CCSER1: variants seen among roughly 807,000 people sequenced by gnomAD.
CCSER1 encodes coiled-coil serine rich protein 1.
CCSER1 carries 41 observed loss-of-function variants against 82.0 expected under a neutral mutation model. That is an observed-to-expected ratio of 0.50 (90% CI 0.39 to 0.65). The LOEUF (loss-of-function observed/expected upper bound fraction) is 0.65. Among genes scored for constraint, CCSER1 ranks in the 30% least tolerant of loss-of-function variants. CCSER1 has a pLI of 0.00. For synonymous variants in CCSER1, 414 were observed against 383.9 expected, an observed-to-expected ratio of 1.08 and a Z score of -0.92; for missense variants, 1,119 against 1,064.2, an observed-to-expected ratio of 1.05 and a Z score of -0.72.
At chr4:91,060,157 T>G (rs573880502) in intron 9 of CCSER1, among the ~76,000 whole-genome samples, 2 of 152,188 alleles carry the variant, frequency 1.3e-5, no homozygotes, top group Non-Finnish European at 2.9e-5. Flanking sequence ...AAATTCCTCA[T>G]GAACTATTGA....
At chr4:91,417,387 C>T (rs150597777) in intron 10 of CCSER1, among the ~76,000 whole-genome samples, 1,982 of 152,168 alleles carry the variant, frequency 0.013, 34 homozygotes, top group African/African-American at 0.035. Flanking sequence ...AAGATACATG[C>T]ATGCATATGT....
At chr4:90,906,876 G>A (rs991986578) in intron 8 of CCSER1, among the ~76,000 whole-genome samples, 7 of 151,946 alleles carry the variant, frequency 4.6e-5, no homozygotes, top group African/African-American at 7.2e-5. Context: ...CTAAATCTTC[G>A]CAATGCCTAT....
chr4:90,802,944 T>G (rs1358414417), intron 7 of CCSER1, among the ~76,000 whole-genome samples: 3 of 152,104 alleles, frequency 2.0e-5, no homozygotes, highest in Non-Finnish European at 4.4e-5. Context: ...TTGTTTGCCC[T>G]GATAAAGTTG....
Position 90,538,748 on chromosome 4 carries a change from T to C in CCSER1, c.1724+70394T>C, listed in dbSNP as rs190434665. ...TGAAATATTTGAAATATTTACCTTA[T>C]GAAATCTCTAGATTGTCTCCACGAG... On this transcript the variant is annotated intron_variant, in intron 5 of 10. Transcript: ENST00000509176. Among the ~76,000 whole-genome samples the C allele has an allele frequency of 6.4e-4, 97 of 152,220 alleles. 2 individuals carry two copies. The East Asian group carries it at 0.015, about 24-fold the overall frequency.
intron 10 of CCSER1, among the ~76,000 whole-genome samples, chr4:91,454,284 G>A (rs1246974674): frequency 6.6e-6 from 1 of 152,058 alleles, no homozygotes; most frequent in Non-Finnish European, 1.5e-5. Flanking sequence ...TCTGAGGAGA[G>A]AATCAGTTCC....
At chr4:90,718,405 G>A (rs1742041568) in intron 6 of CCSER1, among the ~76,000 whole-genome samples, 1 of 151,886 alleles carries the variant, frequency 6.6e-6, no homozygotes, top group South Asian at 2.1e-4. Flanking sequence ...TGCTTTCAGG[G>A]GAGGCATAAT....
chr4:90,251,291 A>G (rs1296539427), intron 1 of CCSER1, among the ~76,000 whole-genome samples: 1 of 151,918 alleles, frequency 6.6e-6, no homozygotes, highest in Non-Finnish European at 1.5e-5. Context: ...ATGATATTGA[A>G]CAGTCTTATT....
At chr4:90,382,831 A>G (rs1273104499) in intron 3 of CCSER1, among the ~76,000 whole-genome samples, 1 of 152,038 alleles carries the variant, frequency 6.6e-6, no homozygotes, top group Admixed American at 6.6e-5. Context: ...GTCATTAACT[A>G]AAAAATGTTA....
At chr4:91,569,690 C>T (rs1441332704) in intron 10 of CCSER1, among the ~76,000 whole-genome samples, 1 of 152,052 alleles carries the variant, frequency 6.6e-6, no homozygotes, top group Non-Finnish European at 1.5e-5. Flanking sequence ...CCATATCATT[C>T]AATTATCTCC....
At chr4:90,710,956 C>T (rs1172796646) in intron 6 of CCSER1, among the ~76,000 whole-genome samples, 1 of 152,100 alleles carries the variant, frequency 6.6e-6, no homozygotes, top group African/African-American at 2.4e-5. Context: ...TTCTTCTTAT[C>T]CGTGAGCATG....
intron 10 of CCSER1, among the ~76,000 whole-genome samples, chr4:91,359,033 C>G (rs540379075): frequency 6.6e-6 from 1 of 152,136 alleles, no homozygotes; most frequent in Non-Finnish European, 1.5e-5. Context: ...CTGGGAGCAT[C>G]GGCAAGCTAC....
chr4:90,781,496 ATCT>A, intron 7 of CCSER1: 1 of 985,174 alleles, frequency 1.0e-6, no homozygotes, highest in Admixed American at 6.1e-5. Flanking sequence ...TGAGTGTGTA[ATCT>A]TCTCTTATTT....
intron 4 of CCSER1, among the ~76,000 whole-genome samples, chr4:90,410,419 A>T (rs1418600466): frequency 6.6e-6 from 1 of 152,236 alleles, no homozygotes. Context: ...AACAGAAAGT[A>T]TAACAAACTG....
chr4:91,054,504 T>C lies in CCSER1; in HGVS notation c.2173-31446T>C, dbSNP rs185828331. Among the ~76,000 whole-genome samples the C allele has an allele frequency of 3.0e-4, 45 of 152,282 alleles. 1 individual carries two copies. In the East Asian group the frequency reaches 8.5e-3, roughly 29 times the overall value. On this transcript the variant is annotated intron_variant, in intron 9 of 10. Coordinates refer to ENST00000509176, the MANE Select transcript of CCSER1 (RefSeq NM_001145065.2). ...AATCTTTTTTTGATTTAAAGTCTGT[T>C]TGTTCAGCTATTAATATAGTCACCC... is the stretch of plus-strand genomic sequence containing the variant.
intron 10 of CCSER1, among the ~76,000 whole-genome samples, chr4:91,548,661 T>A (rs1762008318): frequency 6.6e-6 from 1 of 152,116 alleles, no homozygotes; most frequent in Non-Finnish European, 1.5e-5. Context: ...TCTCTCAATA[T>A]TTTAAATATT....
intron 10 of CCSER1, among the ~76,000 whole-genome samples, chr4:91,103,129 C>A (rs573501512): frequency 1.3e-5 from 2 of 152,294 alleles, no homozygotes; most frequent in East Asian, 3.9e-4. Flanking sequence ...CTGCCCTTCT[C>A]TCAGCTTGGA....
At chr4:90,370,256 C>T (rs11097248) in intron 3 of CCSER1, 56,135 of 151,824 alleles carry the variant, frequency 0.37, 11,154 homozygotes, top group African/African-American at 0.48. Flanking sequence ...CTGCAGTTTC[C>T]GTGAAGATGT....
chr4:91,449,217 C>G (rs1755739442), intron 10 of CCSER1, among the ~76,000 whole-genome samples: 1 of 151,996 alleles, frequency 6.6e-6, no homozygotes, highest in Admixed American at 6.6e-5. Flanking sequence ...ATGAGTCACT[C>G]ACTCCTCTAT....
chr4:90,778,162 T>C (rs1434296474), intron 7 of CCSER1, among the ~76,000 whole-genome samples: 2 of 152,160 alleles, frequency 1.3e-5, no homozygotes, highest in African/African-American at 4.8e-5. Flanking sequence ...TCAGATTATA[T>C]TATCTTGAAC....
Sources: allele counts gnomAD v4.1 joint callset (sites outside exome capture counted in the v4.1 genomes callset), GRCh38; gene constraint gnomAD v4.1.1; transcripts MANE v1.5; gene names NCBI Gene and HGNC (gene_info 2026-07-23, HGNC 2026-07-21).